The following CRIP2 variants were observed in gnomAD, a reference collection of about 807,000 sequenced individuals.
CRIP2 encodes the protein cysteine-rich protein 2.
CRIP2 carries 31 observed loss-of-function variants against 31.3 expected under a neutral mutation model. The observed-to-expected ratio is 0.99, with a 90% confidence interval of 0.74 to 1.34. CRIP2 has a LOEUF of 1.34. CRIP2 is among the 40% of genes most tolerant of loss of function. The pLI, the probability that CRIP2 is intolerant of heterozygous loss-of-function variation, is 0.00. For synonymous variants in CRIP2, 177 were observed against 127.2 expected, an observed-to-expected ratio of 1.39 and a Z score of -2.63; for missense variants, 389 against 301.6, an observed-to-expected ratio of 1.29 and a Z score of -2.15.
At chr14:105,473,545 GAC>G (rs1555435188), upstream of CRIP2, 1 of 1,522,544 alleles carries the variant, frequency 6.6e-7, no homozygotes, top group Non-Finnish European at 8.8e-7. Context: ...CAGCCTCCAA[GAC>G]ACAGGGGGAA....
intron 1 of CRIP2, chr14:105,477,668 G>GCGGGGGTGTGTGTGGGGAA: frequency 1.1e-5 from 5 of 446,316 alleles, no homozygotes; most frequent in Non-Finnish European, 1.2e-5. Context: ...TGTGGGGGGA[G>GCGGGGGTGTGTGTGGGGAA]GCAGGTGTGT....
chr14:105,479,289 G>A (rs1443414703), intron 6 of CRIP2, 70 bp downstream of exon 6: 81 of 1,508,238 alleles, frequency 5.4e-5, no homozygotes, highest in Non-Finnish European at 4.0e-5. Context: ...GGTGAGAGGC[G>A]CGCCTAGAGG....
At position 105,479,650 on chromosome 14, in the gene CRIP2, C is replaced by T. The variant is rs782254966; in HGVS notation, c.624C>T (p.Pro208=). 9.9e-6 allele frequency: 16 copies of T among 1,611,880 alleles called. No homozygotes were observed. The highest frequency in any genetic ancestry group is 4.5e-5 in the East Asian group (2 of 44,858). Residue 208 remains proline (P), a synonymous_variant, in exon 8 of 8, where the codon CCC becomes CCT. Transcript: ENST00000329146. The stretch of plus-strand genomic sequence containing the variant: ...GGGACCCCGAAGGCAAGGTCCAGCC[C>T]TAGGCTACAGCGGCTCTCATGATGT... The part of the protein sequence containing the change: ...YDRDPEGKVQ[P]
chr14:105,476,714 C>T (rs2141750580), intron 1 of CRIP2: 1 of 985,500 alleles, frequency 1.0e-6, no homozygotes, highest in East Asian at 1.1e-4. Context: ...CACGCCTGCC[C>T]ACCGTGCAGC....
chr14:105,477,951 C>CGCGGGCAGGT lies in CRIP2; in HGVS notation c.44-315_44-314insGCGGGCAGGT, dbSNP rs1567061869. On this transcript the variant is annotated intron_variant, in intron 1 of 7. Transcript: ENST00000329146. The stretch of plus-strand genomic sequence containing the variant: ...GGGCAGGTGTTGGAGCGCGGGCAGG[C>CGCGGGCAGGT]TCGAGCACAGGCCCCTTCACCGCAG... Among the ~76,000 whole-genome samples, 59 of 115,650 alleles carry CGCGGGCAGGT rather than the reference C, an allele frequency of 5.1e-4. 7 individuals are homozygous for CGCGGGCAGGT. The highest frequency in any genetic ancestry group is 3.7e-3 in the African/African-American group (55 of 14,954). 75.9% of individuals were successfully genotyped at this position (115,650 alleles called of 152,430 possible).
intron 1 of CRIP2, chr14:105,477,223 C>G: frequency 1.0e-6 from 1 of 967,124 alleles, no homozygotes; most frequent in Non-Finnish European, 1.2e-6. Flanking sequence ...TAGGGAGGCC[C>G]CTGCTTCCAT....
upstream of CRIP2, chr14:105,473,196 G>A (rs587671943): frequency 1.0e-5 from 16 of 1,531,322 alleles, no homozygotes; most frequent in East Asian, 2.4e-5. Context: ...GGACCCCTAG[G>A]GACCCCTGGG....
Position 105,479,574 on chromosome 14 carries a change from C to A in CRIP2, c.560-12C>A, listed in dbSNP as rs1373481092. 1 of 1,612,710 alleles carries A rather than the reference C, an allele frequency of 6.2e-7. No homozygotes were observed. The highest frequency in any genetic ancestry group is 8.5e-7 in the Non-Finnish European group (1 of 1,179,926). ...TGTTCCCCCGACCCACCCCAGCGGC[C>A]TCCCTCCACAGGAGTGAACACCGGT... On this transcript the variant is annotated splice_polypyrimidine_tract_variant and intron_variant, in intron 7 of 7. Transcript: ENST00000329146.
chr14:105,476,320 A>G, intron 1 of CRIP2: 1 of 985,312 alleles, frequency 1.0e-6, no homozygotes, highest in South Asian at 4.7e-5. Context: ...GGCGCTTCAG[A>G]CCCGGCTGGC....
In CRIP2 at chr14:105,478,185, G is replaced by A. The variant is rs1235079366; in HGVS notation, c.44-81G>A. 30 of 1,146,398 alleles carry A rather than the reference G, an allele frequency of 2.6e-5. No homozygotes were observed. Among genetic ancestry groups the A allele is most frequent in the Non-Finnish European group, 3.3e-5 (28 of 845,136 alleles). The allele number at this position is 1,146,398 out of a possible 1,614,324, so 71.0% of individuals were successfully genotyped here. A position where few individuals can be genotyped will look rare whatever the true frequency, so the allele number is the denominator to read the frequency against. ...AAAGTGGGGACCCCCGGAGCGCGTG[G>A]GGGTGGTGGCTGCCAGGTGGGGGCG... On this transcript the variant is annotated intron_variant, in intron 1 of 7. Coordinates refer to ENST00000329146, the MANE Select transcript of CRIP2 (RefSeq NM_001312.4). The surrounding 1 kb of genome is among the most constrained non-coding windows in gnomAD (Gnocchi z 4.9).
chr14:105,478,258 C>G lies in CRIP2; in HGVS notation c.44-8C>G, dbSNP rs587763924. 1 of 1,538,962 alleles carries G rather than the reference C, an allele frequency of 6.5e-7. No individual in the cohort carries two copies. Among genetic ancestry groups the G allele is most frequent in the African/African-American group, 1.4e-5 (1 of 71,112 alleles). ...GGCCCTGACCCCCCTGCCGCCCCTC[C>G]CGCTCAGCCGAGAAGGTGAGCTCCC... On this transcript the variant is annotated splice_region_variant and splice_polypyrimidine_tract_variant and intron_variant, in intron 1 of 7. Transcript: ENST00000329146. The surrounding 1 kb of genome is among the most constrained non-coding windows in gnomAD (Gnocchi z 4.9).
upstream of CRIP2, chr14:105,473,079 G>A (rs2083869724): frequency 1.3e-6 from 1 of 744,326 alleles, no homozygotes; most frequent in Non-Finnish European, 2.2e-6. Context: ...GTCAGGGAGG[G>A]TAATGGCTTA....
intron 1 of CRIP2, among the ~76,000 whole-genome samples, chr14:105,477,885 AGCGCGG>A: frequency 4.6e-5 from 1 of 21,618 alleles, no homozygotes; most frequent in Non-Finnish European, 1.8e-3. Context: ...CAGGTGTTGG[AGCGCGG>A]GCAGGTGTTG....
In CRIP2 at chr14:105,479,679, C is replaced by G; in HGVS notation, c.*26C>G. ...GCTACAGCGGCTCTCATGATGTGGG[C>G]TCACCTGCGCCCCAGACCCTGCAGG... On this transcript the variant is annotated 3_prime_UTR_variant, in exon 8 of 8. Coordinates refer to ENST00000329146, the MANE Select transcript of CRIP2 (RefSeq NM_001312.4). The G allele has an allele frequency of 6.2e-7, 1 of 1,603,368 alleles. No individual in the cohort carries two copies. The highest frequency in any genetic ancestry group is 8.5e-7 in the Non-Finnish European group (1 of 1,175,900).
intron 1 of CRIP2, chr14:105,476,311 G>A: frequency 1.0e-6 from 1 of 985,522 alleles, no homozygotes; most frequent in South Asian, 4.7e-5. Context: ...GAAAACAAAG[G>A]CGCTTCAGAC....
chr14:105,473,954 C>T (rs2083882456), upstream of CRIP2, among the ~76,000 whole-genome samples: 1 of 152,308 alleles, frequency 6.6e-6, no homozygotes, highest in Non-Finnish European at 1.5e-5. Flanking sequence ...AGGGCACGCC[C>T]ACTCCTTCCC....
intron 1 of CRIP2, among the ~76,000 whole-genome samples, chr14:105,475,679 G>T (rs1555435652): frequency 1.3e-5 from 2 of 152,180 alleles, no homozygotes; most frequent in African/African-American, 4.8e-5. Context: ...CTCGCAAGGC[G>T]GCCCTCGGTC....
At position 105,479,968 on chromosome 14, in the gene CRIP2, G is replaced by C. The variant is rs1595459690; in HGVS notation, c.*315G>C. ...TGGCGCTGTCCGCTCTCCCTCTCCT[G>C]CTGCCCACCCACCTGCCAGTGTTAT... is the stretch of plus-strand genomic sequence containing the variant. On this transcript the variant is annotated 3_prime_UTR_variant, in exon 8 of 8. Coordinates refer to ENST00000329146, the MANE Select transcript of CRIP2 (RefSeq NM_001312.4). 1 of 393,922 alleles carries C rather than the reference G, an allele frequency of 2.5e-6. No homozygotes were observed. The highest frequency in any genetic ancestry group is 4.7e-6 in the Non-Finnish European group (1 of 212,128). 24.4% of individuals were successfully genotyped at this position (393,922 alleles called of 1,614,324 possible). A position where few individuals can be genotyped will look rare whatever the true frequency, so the allele number is the denominator to read the frequency against.
intron 1 of CRIP2, chr14:105,475,878 C>T (rs1276368493): frequency 4.1e-6 from 4 of 985,392 alleles, no homozygotes; most frequent in East Asian, 2.3e-4. Context: ...GAGAGGAGGG[C>T]CGGGACCAAC....
Sources: gnomAD v4.1 joint callset for allele counts (sites outside exome capture counted in the v4.1 genomes callset) on GRCh38, gnomAD v4.1.1 for gene constraint, Gnocchi (gnomAD v3.1) non-coding constraint, MANE v1.5 for transcripts, NCBI Gene and HGNC (gene_info 2026-07-23, HGNC 2026-07-21) for gene names.